Variants in DCDC1 observed in about 807,000 individuals in gnomAD.
The protein encoded by DCDC1 is doublecortin domain-containing protein 1.
In DCDC1, 200 loss-of-function variants were observed where a neutral mutation model predicts 178.3. That is an observed-to-expected ratio of 1.12 (90% CI 1.00 to 1.26). The LOEUF (loss-of-function observed/expected upper bound fraction) is 1.26. Ranked by LOEUF, DCDC1 falls within the 50% of genes most tolerant of loss-of-function variation. The probability of loss-of-function intolerance (pLI) is 0.00; values close to 1 mark genes in which losing one functional copy is unlikely to be tolerated. For missense variants in DCDC1, 1,983 were observed against 1,749.2 expected, an observed-to-expected ratio of 1.13 and a Z score of -2.38; for synonymous variants, 690 against 604.8, an observed-to-expected ratio of 1.14 and a Z score of -2.07.
At chr11:31,080,100 C>A (rs1957084748) in intron 17 of DCDC1, among the ~76,000 whole-genome samples, 1 of 152,060 alleles carries the variant, frequency 6.6e-6, no homozygotes, top group Non-Finnish European at 1.5e-5. Context: ...AGTTGTCTTT[C>A]TGAGGATCTT....
intron 32 of DCDC1, among the ~76,000 whole-genome samples, chr11:30,901,958 G>A (rs543829219): frequency 2.7e-4 from 41 of 152,062 alleles, no homozygotes; most frequent in Non-Finnish European, 4.3e-4. Context: ...GTGCGTGTGT[G>A]TATATAAATA....
intron 9 of DCDC1, among the ~76,000 whole-genome samples, chr11:31,162,605 T>C (rs895232322): frequency 6.6e-6 from 1 of 152,170 alleles, no homozygotes; most frequent in Admixed American, 6.6e-5. Flanking sequence ...GGCTAAATCA[T>C]TGACTGCATG....
At chr11:31,226,458 G>A (rs756465485) in intron 9 of DCDC1, among the ~76,000 whole-genome samples, 4 of 149,850 alleles carry the variant, frequency 2.7e-5, no homozygotes, top group African/African-American at 4.9e-5. Context: ...GTAAACCCCC[G>A]AATAAAAACA....
chr11:31,043,247 T>C (rs1032793956), intron 20 of DCDC1, among the ~76,000 whole-genome samples: 1 of 152,194 alleles, frequency 6.6e-6, no homozygotes, highest in Non-Finnish European at 1.5e-5. Flanking sequence ...TGAGAGACTT[T>C]TGCTGATACA....
chr11:31,315,303 ACC>A (rs1949012207), intron 3 of DCDC1, among the ~76,000 whole-genome samples: 2 of 88,428 alleles, frequency 2.3e-5, no homozygotes, highest in African/African-American at 7.5e-5. Flanking sequence ...CTATTTGCAT[ACC>A]CTTTTTTTTT....
At position 30,899,654 on chromosome 11, in the gene DCDC1, A is replaced by G. The variant is rs751281689; in HGVS notation, c.4664-12T>C. 1 of 1,504,218 alleles carries G rather than the reference A, an allele frequency of 6.6e-7. No homozygotes were observed. Among genetic ancestry groups the G allele is most frequent in the African/African-American group, 1.4e-5 (1 of 70,950 alleles). 93.2% of individuals were successfully genotyped at this position (1,504,218 alleles called of 1,614,324 possible). A position where few individuals can be genotyped will look rare whatever the true frequency, so the allele number is the denominator to read the frequency against. ...TGCTTTCTGCAAAGCTAGAATAATA[A>G]AAATACAAGATATTTTATCAACAGT... On this transcript the variant is annotated splice_polypyrimidine_tract_variant and intron_variant, in intron 33 of 38. Coordinates refer to ENST00000684477, the MANE Select transcript of DCDC1 (RefSeq NM_001387274.1).
intron 37 of DCDC1, among the ~76,000 whole-genome samples, chr11:30,880,873 T>C (rs138242971): frequency 6.6e-6 from 1 of 152,298 alleles, no homozygotes; most frequent in East Asian, 1.9e-4. Flanking sequence ...TCAGGGTTCA[T>C]ACTAGGGGAA....
chr11:31,250,421 C>CACACACACACACACACAT (rs1555146241), intron 8 of DCDC1, among the ~76,000 whole-genome samples: 2 of 52,958 alleles, frequency 3.8e-5, no homozygotes, highest in East Asian at 3.7e-3. Context: ...CACACATATA[C>CACACACACACACACACAT]ATATATATGT....
chr11:30,894,360 G>A lies in DCDC1; in HGVS notation c.4790C>T (p.Pro1597Leu). The change falls in exon 35 of 39, where the codon CCA (proline) becomes CTA (leucine). Residue 1597 changes from proline (P) to leucine (L), a missense_variant. Coordinates refer to ENST00000684477, the MANE Select transcript of DCDC1 (RefSeq NM_001387274.1). ...LKGRRVAACQ[P>L]ATMVPTKSPV... ...GCTCTTGGTAGGAACCATGGTGGCT[G>A]GCTGACATGCCGCTACTCGCCGCCC... The A allele has an allele frequency of 6.2e-7, 1 of 1,613,764 alleles. No homozygotes were observed. Among genetic ancestry groups the A allele is most frequent in the Non-Finnish European group, 8.5e-7 (1 of 1,179,780 alleles).
At chr11:31,313,453 T>C (rs1008381720) in intron 3 of DCDC1, among the ~76,000 whole-genome samples, 2 of 152,236 alleles carry the variant, frequency 1.3e-5, no homozygotes, top group Non-Finnish European at 2.9e-5. Context: ...CCTAGCCTTA[T>C]GCAGGGAGCT....
chr11:31,288,572 C>T (rs1052118544), intron 7 of DCDC1, among the ~76,000 whole-genome samples: 9 of 151,866 alleles, frequency 5.9e-5, no homozygotes, highest in African/African-American at 1.9e-4. Context: ...CTTATTGTAC[C>T]ACCCATTCTC....
chr11:31,250,652 A>T (rs916180663), intron 8 of DCDC1, among the ~76,000 whole-genome samples: 1 of 151,778 alleles, frequency 6.6e-6, no homozygotes, highest in African/African-American at 2.4e-5. Context: ...GTACAAGGAT[A>T]GTACTAGGCA....
chr11:30,981,691 A>C (rs2134805334), intron 20 of DCDC1, among the ~76,000 whole-genome samples: 1 of 152,320 alleles, frequency 6.6e-6, no homozygotes. Flanking sequence ...ATAGGAGTTT[A>C]GTAAGTCAGC....
At position 31,057,367 on chromosome 11, in the gene DCDC1, A is replaced by T. The variant is rs1389794609; in HGVS notation, c.2591+7102T>A. Among the ~76,000 whole-genome samples, 5 of 152,240 alleles carry T rather than the reference A, an allele frequency of 3.3e-5. No homozygotes were observed. The South Asian group carries it at 8.3e-4, about 25-fold the overall frequency. On this transcript the variant is annotated intron_variant, in intron 20 of 38. Coordinates refer to ENST00000684477, the MANE Select transcript of DCDC1 (RefSeq NM_001387274.1). ...ATATCAGAATTAAAATCAAATCAAA[A>T]ATGTTTTCCAACCACTGTGAAATTA...
intron 9 of DCDC1, among the ~76,000 whole-genome samples, chr11:31,238,201 A>G (rs1209386500): frequency 6.6e-6 from 1 of 152,100 alleles, no homozygotes; most frequent in East Asian, 1.9e-4. Context: ...GTGTTTCTCA[A>G]AAATCACATT....
intron 9 of DCDC1, among the ~76,000 whole-genome samples, chr11:31,192,139 T>C (rs1970200339): frequency 1.3e-5 from 2 of 152,056 alleles, no homozygotes; most frequent in African/African-American, 4.8e-5. Flanking sequence ...TATCTCTTAA[T>C]CCTCACTCTC....
chr11:30,991,391 T>C (rs1950971643), intron 20 of DCDC1, among the ~76,000 whole-genome samples: 2 of 152,194 alleles, frequency 1.3e-5, no homozygotes, highest in Admixed American at 1.3e-4. Context: ...TAGTTGGGTA[T>C]TCCCAATCAG....
At chr11:31,009,623 T>C (rs1313375584) in intron 20 of DCDC1, among the ~76,000 whole-genome samples, 2 of 152,050 alleles carry the variant, frequency 1.3e-5, no homozygotes, top group Admixed American at 6.6e-5. Flanking sequence ...CAGGAAAAGA[T>C]TGCTGTTCCC....
At chr11:31,009,253 G>T (rs1230108835) in intron 20 of DCDC1, among the ~76,000 whole-genome samples, 2 of 152,050 alleles carry the variant, frequency 1.3e-5, no homozygotes, top group African/African-American at 4.8e-5. Context: ...ACAACTGAAG[G>T]TATAATAGTT....
Sources: allele counts gnomAD v4.1 joint callset (sites outside exome capture counted in the v4.1 genomes callset), GRCh38; gene constraint gnomAD v4.1.1; transcripts MANE v1.5; gene names NCBI Gene and HGNC (gene_info 2026-07-23, HGNC 2026-07-21).